Variants in DPP10 observed in about 807,000 individuals in gnomAD.
DPP10 encodes dipeptidyl peptidase like 10, also known as inactive dipeptidyl peptidase 10.
Under a neutral mutation model 120.9 loss-of-function variants are expected in DPP10, and 33 were observed. The ratio of observed to expected loss-of-function variants is 0.27; its 90% CI spans 0.21 to 0.37. DPP10 has a LOEUF of 0.37. DPP10 is among the 10% of genes least tolerant of loss of function. The pLI is 1.00. For missense variants in DPP10, 816 were observed against 942.8 expected (o/e 0.87, Z 1.76); for synonymous variants, 337 against 326.1 (o/e 1.03, Z -0.36).
At chr2:115,589,881 G>A (rs1449376492) in intron 5 of DPP10, among the ~76,000 whole-genome samples, 1 of 152,128 alleles carries the variant, frequency 6.6e-6, no homozygotes, top group Non-Finnish European at 1.5e-5. Context: ...CTAACAGACA[G>A]TCATGCATAT....
chr2:114,797,130 C>T (rs888519006), intron 1 of DPP10, among the ~76,000 whole-genome samples: 2 of 152,150 alleles, frequency 1.3e-5, no homozygotes, highest in Admixed American at 6.5e-5. Context: ...CAGAGCTTTC[C>T]CTGTTTTAAA....
intron 1 of DPP10, among the ~76,000 whole-genome samples, chr2:115,087,533 C>CTTTTTTTTTTTTTTTT (rs1310507943): frequency 1.1e-4 from 10 of 92,590 alleles, no homozygotes; most frequent in Admixed American, 1.3e-4. Context: ...CTTTTCTTTT[C>CTTTTTTTTTTTTTTTT]TTTTCTTTTT....
At chr2:114,558,330 G>T (rs766987875) in intron 1 of DPP10, among the ~76,000 whole-genome samples, 1 of 152,280 alleles carries the variant, frequency 6.6e-6, no homozygotes. Flanking sequence ...AACTAATTGG[G>T]CTCTCTTTCT....
intron 1 of DPP10, among the ~76,000 whole-genome samples, chr2:115,041,944 T>C (rs1158142589): frequency 1.3e-5 from 2 of 151,990 alleles, no homozygotes; most frequent in Non-Finnish European, 2.9e-5. Flanking sequence ...GTTTTCCAGC[T>C]GTAGAGATGT....
chr2:115,648,561 A>G (rs1224457123), intron 5 of DPP10, among the ~76,000 whole-genome samples: 1 of 151,910 alleles, frequency 6.6e-6, no homozygotes, highest in African/African-American at 2.4e-5. Context: ...ACCATGGCAC[A>G]TGTTTACCCA....
intron 3 of DPP10, among the ~76,000 whole-genome samples, chr2:115,450,187 T>A (rs1414538971): frequency 2.0e-5 from 3 of 152,016 alleles, no homozygotes; most frequent in African/African-American, 7.2e-5. Flanking sequence ...GTCTTCAGTG[T>A]GCTCAGAGTA....
intron 1 of DPP10, among the ~76,000 whole-genome samples, chr2:114,747,751 T>G (rs1233174761): frequency 2.6e-5 from 4 of 152,272 alleles, no homozygotes; most frequent in African/African-American, 9.6e-5. Flanking sequence ...TCTTGGTTAC[T>G]ACAGTCCCAC....
At chr2:114,522,553 T>A (rs1337521628) in intron 1 of DPP10, among the ~76,000 whole-genome samples, 2 of 152,202 alleles carry the variant, frequency 1.3e-5, no homozygotes, top group Non-Finnish European at 2.9e-5. Flanking sequence ...ACAAATGTAT[T>A]ACTGCATCTT....
intron 1 of DPP10, among the ~76,000 whole-genome samples, chr2:114,488,265 T>G (rs1031559387): frequency 6.6e-6 from 1 of 152,298 alleles, no homozygotes; most frequent in South Asian, 2.1e-4. Flanking sequence ...CTTCCTGGGT[T>G]TGAAGCTAGG....
At chr2:114,861,884 A>G (rs1283556188) in intron 1 of DPP10, among the ~76,000 whole-genome samples, 1 of 152,218 alleles carries the variant, frequency 6.6e-6, no homozygotes, top group Non-Finnish European at 1.5e-5. Flanking sequence ...TGCTTAAAGT[A>G]TGGATTTCCT....
chr2:115,382,873 A>C (rs781641635), intron 3 of DPP10, among the ~76,000 whole-genome samples: 3 of 152,226 alleles, frequency 2.0e-5, no homozygotes, highest in Non-Finnish European at 2.9e-5. Flanking sequence ...GAAAATACAT[A>C]ATAGCAACCA....
rs1033860503 is a variant in DPP10, at chr2:115,844,088, T to A, written c.*1743T>A. On this transcript the variant is annotated 3_prime_UTR_variant, in exon 26 of 26. Coordinates refer to ENST00000410059, the MANE Select transcript of DPP10 (RefSeq NM_020868.6). ...AATTTAAAATAGGAGAGGCTTTCTC[T>A]TCTGAAAGATCCATTTTAGGTCTTT... 1 of 152,580 alleles carries A rather than the reference T, an allele frequency of 6.6e-6. No individual in the cohort carries two copies. The highest frequency in any genetic ancestry group is 6.5e-5 in the Admixed American group (1 of 15,276). 9.5% of individuals were successfully genotyped at this position (152,580 alleles called of 1,614,324 possible).
intron 1 of DPP10, among the ~76,000 whole-genome samples, chr2:114,511,421 T>C (rs1684137111): frequency 6.6e-6 from 1 of 152,200 alleles, no homozygotes. Flanking sequence ...GAGTAGGCTT[T>C]TGACATTTGC....
At chr2:114,864,516 A>G (rs560289722) in intron 1 of DPP10, among the ~76,000 whole-genome samples, 11 of 152,284 alleles carry the variant, frequency 7.2e-5, no homozygotes, top group Admixed American at 2.6e-4. Flanking sequence ...GCTTGATCAC[A>G]TCACCATGAA....
At chr2:114,509,950 A>T (rs1436952082) in intron 1 of DPP10, among the ~76,000 whole-genome samples, 1 of 152,214 alleles carries the variant, frequency 6.6e-6, no homozygotes, top group East Asian at 1.9e-4. Context: ...AAAAATGTAA[A>T]CTATTTCTGT....
chr2:114,523,386 T>G (rs952776265), intron 1 of DPP10, among the ~76,000 whole-genome samples: 6 of 152,170 alleles, frequency 3.9e-5, no homozygotes, highest in African/African-American at 1.4e-4. Context: ...AGCTGGGGGC[T>G]TTAGCACCAG....
intron 21 of DPP10, 126 bp downstream of exon 21, chr2:115,815,855 T>A: frequency 1.0e-6 from 1 of 992,082 alleles, no homozygotes; most frequent in Non-Finnish European, 1.5e-6. Flanking sequence ...TCCATACTTA[T>A]TAACATGGAA....
At chr2:114,470,844 T>C (rs1679846908) in intron 1 of DPP10, among the ~76,000 whole-genome samples, 1 of 152,240 alleles carries the variant, frequency 6.6e-6, no homozygotes, top group African/African-American at 2.4e-5. Flanking sequence ...CATACTGCCT[T>C]GTTTGCTAAT....
chr2:115,351,082 GC>G (rs1294720369), intron 3 of DPP10, among the ~76,000 whole-genome samples: 6 of 152,084 alleles, frequency 3.9e-5, no homozygotes, highest in African/African-American at 1.4e-4. Context: ...CATGTTCTTT[GC>G]AGCACTATTC....
Sources: gnomAD v4.1 joint callset for allele counts (sites outside exome capture counted in the v4.1 genomes callset) on GRCh38, gnomAD v4.1.1 for gene constraint, MANE v1.5 for transcripts, NCBI Gene and HGNC (gene_info 2026-07-23, HGNC 2026-07-21) for gene names.